Variants in UBE2O observed in about 807,000 individuals in gnomAD.
The protein encoded by UBE2O is ubiquitin conjugating enzyme E2 O, also known as (E3-independent) E2 ubiquitin-conjugating enzyme.
A neutral mutation model predicts 125.8 loss-of-function variants in UBE2O; 15 were observed. The observed-to-expected ratio is 0.12, with a 90% CI of 0.08 to 0.18. UBE2O has a LOEUF of 0.18. UBE2O is among the 10% of genes least tolerant of loss of function. UBE2O has a pLI of 1.00. For missense variants in UBE2O, 1,280 were observed against 1,723.6 expected (o/e 0.74, Z 4.56); for synonymous variants, 708 against 703.2 (o/e 1.01, Z -0.11).
chr17:76,442,312 C>A (rs1193613820), intron 1 of UBE2O, among the ~76,000 whole-genome samples: 1 of 152,184 alleles, frequency 6.6e-6, no homozygotes, highest in Non-Finnish European at 1.5e-5. Flanking sequence ...TCATAGTACT[C>A]TCAAAAGAAC....
At position 76,395,486 on chromosome 17, in the gene UBE2O, C is replaced by A; in HGVS notation, c.2946+239G>T. On this transcript the variant is annotated intron_variant, in intron 15 of 17. Coordinates refer to ENST00000319380, the MANE Select transcript of UBE2O (RefSeq NM_022066.4). The surrounding 1 kb of genome is among the most constrained non-coding windows in gnomAD (Gnocchi z 5.0). Reference sequence around the variant, plus strand: ...GGATTACGGGTGTGAGCCACTGCGCCCGGCCGAGAAAGTAATTTTTTAAAG... The same window carrying A: ...GGATTACGGGTGTGAGCCACTGCGCACGGCCGAGAAAGTAATTTTTTAAAG... 2.2e-6 allele frequency: 1 copy of A among 454,088 alleles called. No homozygotes were observed. Among genetic ancestry groups the A allele is most frequent in the Non-Finnish European group, 3.9e-6 (1 of 257,876 alleles). The allele number at this position is 454,088 out of a possible 1,614,324, so 28.1% of individuals were successfully genotyped here. A position where few individuals can be genotyped will look rare whatever the true frequency, so the allele number is the denominator to read the frequency against.
Position 76,391,071 on chromosome 17 carries a change from A to G in UBE2O, c.3751T>C (p.Tyr1251His). 1.2e-6 allele frequency: 2 copies of G among 1,614,144 alleles called. No individual in the cohort carries two copies. Among genetic ancestry groups the G allele is most frequent in the African/African-American group, 1.3e-5 (1 of 75,076 alleles). Residue 1251 changes from tyrosine to histidine, a missense_variant, in exon 18 of 18, where the codon TAC (tyrosine) becomes CAC (histidine). Physicochemically the swap from Tyr to His is moderately conservative, Grantham distance 83 (BLOSUM62 2). This residue lies in a region of UBE2O where 233 missense variants were observed against 279.0 expected (regional missense o/e 0.84). Coordinates refer to ENST00000319380, the MANE Select transcript of UBE2O (RefSeq NM_022066.4). This position sits in a 1 kb window ranked among gnomAD's most constrained non-coding sequence, Gnocchi z 8.4. ...YRSFLPEKSG[Y>H]PDIGFPLFPL... Reference sequence around the variant, plus strand: ...AAGAGGGGGAAGCCGATGTCAGGGTAGCCACTCTTCTCAGGTAAGAAGCTC... The same window carrying G: ...AAGAGGGGGAAGCCGATGTCAGGGTGGCCACTCTTCTCAGGTAAGAAGCTC...
chr17:76,425,997 T>C (rs575104494), intron 1 of UBE2O, among the ~76,000 whole-genome samples: 2 of 152,194 alleles, frequency 1.3e-5, no homozygotes, highest in East Asian at 3.9e-4. Flanking sequence ...AGGAGGCACT[T>C]TTTTTCCAGC....
intron 1 of UBE2O, among the ~76,000 whole-genome samples, chr17:76,412,696 A>C (rs932278145): frequency 2.6e-5 from 4 of 152,152 alleles, no homozygotes; most frequent in African/African-American, 9.7e-5. Context: ...GTGTTAGTGC[A>C]TATATATTTT....
At chr17:76,421,926 G>T (rs1272390015) in intron 1 of UBE2O, among the ~76,000 whole-genome samples, 1 of 152,184 alleles carries the variant, frequency 6.6e-6, no homozygotes. Flanking sequence ...CTGCATCTGA[G>T]GACCCATCCC....
intron 1 of UBE2O, among the ~76,000 whole-genome samples, chr17:76,443,352 G>C (rs921785333): frequency 6.6e-6 from 1 of 152,118 alleles, no homozygotes; most frequent in Non-Finnish European, 1.5e-5. Context: ...GCCGGGGCAC[G>C]ATCTCGGCTC....
chr17:76,453,094 C>G lies in UBE2O; in HGVS notation c.48G>C (p.Gln16His). ...CTGCCTCCGGGGCTGGAGCCGGGGC[C>G]TGGGCTGGAGCGGGAGCTGCGGGCG... ...APTPAAPAPA[Q>H]APAPAPEAVP... Residue 16 changes from glutamine (Q) to histidine (H), a missense_variant, in exon 1 of 18, where the codon CAG (glutamine) becomes CAC (histidine). Physicochemically the swap from Gln to His is conservative, Grantham distance 24 (BLOSUM62 0). Around this residue, in one of 10 missense-constraint regions of UBE2O, gnomAD observed 188 missense variants for 192.5 expected, o/e 0.98. Coordinates refer to ENST00000319380, the MANE Select transcript of UBE2O (RefSeq NM_022066.4). The G allele has an allele frequency of 9.5e-7, 1 of 1,055,006 alleles. No homozygotes were observed. Among genetic ancestry groups the G allele is most frequent in the South Asian group, 2.5e-5 (1 of 40,218 alleles). 65.4% of individuals were successfully genotyped at this position (1,055,006 alleles called of 1,614,324 possible).
rs1228415936 is a variant in UBE2O at position 76,389,795 on chromosome 17, C to G, written c.*1148G>C. 1 of 151,486 alleles carries G rather than the reference C, an allele frequency of 6.6e-6. No individual in the cohort carries two copies. Among genetic ancestry groups the G allele is most frequent in the Non-Finnish European group, 1.5e-5 (1 of 67,832 alleles). 9.4% of individuals were successfully genotyped at this position (151,486 alleles called of 1,614,324 possible). ...GCTGACAAGACGCATCATGCTTTGGCTTTTTTTTTGTCTTTTTTTCTAATA... is the reference window on the plus strand; with the variant it reads ...GCTGACAAGACGCATCATGCTTTGGGTTTTTTTTTGTCTTTTTTTCTAATA... On this transcript the variant is annotated 3_prime_UTR_variant, in exon 18 of 18. Transcript: ENST00000319380.
chr17:76,391,297 G>C lies in UBE2O; in HGVS notation c.3525C>G (p.Ala1175=), dbSNP rs372648373. ...CTTGTTGGCCGGAGTCTGACAGCTC[G>C]GCTACAGCTGGGGGCTCTGGCGAGC... ...ASSSPEPPAV[A]ELSDSGQQEP... is the part of the protein sequence containing the mutation. Residue 1175 remains alanine, a synonymous_variant, in exon 18 of 18, where the codon GCC becomes GCG. Coordinates refer to ENST00000319380, the MANE Select transcript of UBE2O (RefSeq NM_022066.4). This position sits in a 1 kb window ranked among gnomAD's most constrained non-coding sequence, Gnocchi z 8.4. The C allele has an allele frequency of 1.2e-6, 2 of 1,612,850 alleles. No individual in the cohort carries two copies. The highest frequency in any genetic ancestry group is 1.7e-6 in the Non-Finnish European group (2 of 1,179,976).
intron 1 of UBE2O, among the ~76,000 whole-genome samples, chr17:76,447,649 C>T (rs2073172234): frequency 6.6e-6 from 1 of 152,162 alleles, no homozygotes; most frequent in Non-Finnish European, 1.5e-5. Flanking sequence ...CACAAAGTAA[C>T]AGAGGTAGGA....
In UBE2O at chr17:76,399,159, A is replaced by G. The variant is rs772596021; in HGVS notation, c.1629-168T>C. 5.7e-6 allele frequency: 5 copies of G among 870,310 alleles called. No homozygotes were observed. Among genetic ancestry groups the G allele is most frequent in the Non-Finnish European group, 8.6e-6 (5 of 582,148 alleles). 53.9% of individuals were successfully genotyped at this position (870,310 alleles called of 1,614,324 possible). A position where few individuals can be genotyped will look rare whatever the true frequency, so the allele number is the denominator to read the frequency against. On this transcript the variant is annotated intron_variant, in intron 9 of 17. Transcript: ENST00000319380. This position sits in a 1 kb window ranked among gnomAD's most constrained non-coding sequence, Gnocchi z 6.9. ...GCACAGGAAGCTCACCCAGGGTTCCAAGGCCACGCATTCTCTGAGAACAGG... is the reference window on the plus strand; with the variant it reads ...GCACAGGAAGCTCACCCAGGGTTCCGAGGCCACGCATTCTCTGAGAACAGG...
chr17:76,434,092 T>G (rs1304401265), intron 1 of UBE2O, among the ~76,000 whole-genome samples: 1 of 152,236 alleles, frequency 6.6e-6, no homozygotes, highest in East Asian at 1.9e-4. Context: ...GAAAGAAGTC[T>G]GTTTTCTTTG....
rs957744918 is a variant in UBE2O, at chr17:76,395,523, G to C, written c.2946+202C>G. The stretch of plus-strand genomic sequence containing the variant: ...GTAATTTTTTAAAGGAGGGAGGAAA[G>C]AAAGAACCATCTGGCCTGGACACAC... On this transcript the variant is annotated intron_variant, in intron 15 of 17. Transcript: ENST00000319380. This position sits in a 1 kb window ranked among gnomAD's most constrained non-coding sequence, Gnocchi z 5.0. 1 of 543,924 alleles carries C rather than the reference G, an allele frequency of 1.8e-6. No individual in the cohort carries two copies. Among genetic ancestry groups the C allele is most frequent in the Non-Finnish European group, 3.1e-6 (1 of 318,518 alleles). The allele number at this position is 543,924 out of a possible 1,614,324, so 33.7% of individuals were successfully genotyped here.
In UBE2O at chr17:76,395,689, A is replaced by T. The variant is rs745726745; in HGVS notation, c.2946+36T>A. On this transcript the variant is annotated intron_variant, in intron 15 of 17. Coordinates refer to ENST00000319380, the MANE Select transcript of UBE2O (RefSeq NM_022066.4). The surrounding 1 kb of genome is among the most constrained non-coding windows in gnomAD (Gnocchi z 5.0). ...CCTCTTGGGCACTGGGTGCCCACACAGCACATCTGCACCTGCCCATGCCAA... is the reference window on the plus strand; with the variant it reads ...CCTCTTGGGCACTGGGTGCCCACACTGCACATCTGCACCTGCCCATGCCAA... 6.3e-7 allele frequency: 1 copy of T among 1,594,004 alleles called. No homozygotes were observed. The highest frequency in any genetic ancestry group is 1.4e-5 in the African/African-American group (1 of 73,812).
At chr17:76,407,138 G>A (rs191662472) in intron 1 of UBE2O, among the ~76,000 whole-genome samples, 1 of 152,320 alleles carries the variant, frequency 6.6e-6, no homozygotes, top group East Asian at 1.9e-4. Flanking sequence ...CTGAGGTGGA[G>A]TCACCAAGGC....
intron 1 of UBE2O, among the ~76,000 whole-genome samples, chr17:76,409,193 C>A (rs2072475129): frequency 6.6e-6 from 1 of 152,126 alleles, no homozygotes; most frequent in South Asian, 2.1e-4. Context: ...TGCTCTCGAT[C>A]TCCTAACCTC....
At chr17:76,434,217 C>T (rs1325318732) in intron 1 of UBE2O, among the ~76,000 whole-genome samples, 4 of 152,144 alleles carry the variant, frequency 2.6e-5, no homozygotes, top group African/African-American at 9.7e-5. Flanking sequence ...CCACTATAGA[C>T]CTAGACATAC....
chr17:76,403,564 G>A (rs746802263), intron 3 of UBE2O, among the ~76,000 whole-genome samples: 4 of 152,208 alleles, frequency 2.6e-5, no homozygotes, highest in South Asian at 4.1e-4. Context: ...GAGCCACTGC[G>A]CCCGTGAACT....
chr17:76,395,656 G>A lies in UBE2O; in HGVS notation c.2946+69C>T. 6.5e-7 allele frequency: 1 copy of A among 1,543,810 alleles called. No homozygotes were observed. The highest frequency in any genetic ancestry group is 1.2e-5 in the South Asian group (1 of 81,052). ...AGCCCCGGAGGTTTGGGGACCCAAG[G>A]TTGGTGGCCTCTTGGGCACTGGGTG... On this transcript the variant is annotated intron_variant, in intron 15 of 17. Transcript: ENST00000319380. The surrounding 1 kb of genome is among the most constrained non-coding windows in gnomAD (Gnocchi z 5.0).
Sources: allele counts gnomAD v4.1 joint callset (sites outside exome capture counted in the v4.1 genomes callset), GRCh38; gene constraint gnomAD v4.1.1; regional missense constraint gnomAD v4.1.1; non-coding constraint Gnocchi (gnomAD v3.1); transcripts MANE v1.5; gene names NCBI Gene and HGNC (gene_info 2026-07-23, HGNC 2026-07-21).